PCSK5: variants seen among roughly 807,000 people sequenced by gnomAD.
PCSK5 encodes the protein proprotein convertase subtilisin/kexin type 5, also known as prohormone convertase 5.
A neutral mutation model predicts 233.2 loss-of-function variants in PCSK5; 129 were observed. The observed-to-expected ratio is 0.55, with a 90% CI of 0.48 to 0.64. The LOEUF is 0.64. Among genes scored for constraint, PCSK5 ranks in the 30% least tolerant of loss-of-function variants. PCSK5 has a pLI of 0.00. For missense variants in PCSK5, 2,076 were observed against 2,430.1 expected (o/e 0.85, Z 3.06); for synonymous variants, 825 against 879.2 (o/e 0.94, Z 1.09).
At chr9:76,221,843 G>C (rs917280105) in intron 20 of PCSK5, among the ~76,000 whole-genome samples, 1 of 152,146 alleles carries the variant, frequency 6.6e-6, no homozygotes, top group African/African-American at 2.4e-5. Context: ...TAGCATTTCA[G>C]AGCATCTGCA....
chr9:75,953,257 A>G (rs1053086726), intron 2 of PCSK5, among the ~76,000 whole-genome samples: 2 of 152,146 alleles, frequency 1.3e-5, no homozygotes, highest in Non-Finnish European at 2.9e-5. Flanking sequence ...TTGTACTCCA[A>G]GCACCAAGAG....
chr9:76,295,461 CCA>C, intron 26 of PCSK5, 50 bp downstream of exon 26: 1 of 1,582,130 alleles, frequency 6.3e-7, no homozygotes, highest in Non-Finnish European at 8.7e-7. Flanking sequence ...CACTGGAGCT[CCA>C]CACAGTCGGG....
Position 76,043,152 on chromosome 9 carries a change from C to A in PCSK5, c.632+16115C>A, listed in dbSNP as rs544663680. Among the ~76,000 whole-genome samples, 104 of 147,258 alleles carry A rather than the reference C, an allele frequency of 7.1e-4. 1 individual carries two copies. In the Middle Eastern group the frequency reaches 0.011, roughly 15 times the overall value. Reference sequence around the variant, plus strand: ...ACAGGGTCAGGAGATTGAGACCATCCTGGCTAACACGGTGAAACCCCGTCT... The same window carrying A: ...ACAGGGTCAGGAGATTGAGACCATCATGGCTAACACGGTGAAACCCCGTCT... On this transcript the variant is annotated intron_variant, in intron 5 of 37. Coordinates refer to ENST00000674117, the MANE Select transcript of PCSK5 (RefSeq NM_001372043.1).
At chr9:75,996,815 G>GTTTT (rs35830280) in intron 3 of PCSK5, among the ~76,000 whole-genome samples, 9 of 141,402 alleles carry the variant, frequency 6.4e-5, no homozygotes, top group Non-Finnish European at 7.6e-5. Flanking sequence ...TGTTAACAAA[G>GTTTT]TTTTTTTTTT....
chr9:75,971,666 G>C (rs1202533805), intron 2 of PCSK5, among the ~76,000 whole-genome samples: 2 of 152,050 alleles, frequency 1.3e-5, no homozygotes, highest in African/African-American at 2.4e-5. Flanking sequence ...GTTATAATTT[G>C]CATTTCTATA....
chr9:75,949,416 T>C (rs1011651537), intron 2 of PCSK5, among the ~76,000 whole-genome samples: 1 of 152,174 alleles, frequency 6.6e-6, no homozygotes, highest in African/African-American at 2.4e-5. Context: ...TATTTTTCCA[T>C]GTCATGAAGT....
At chr9:76,150,543 G>A (rs1823629737) in intron 10 of PCSK5, among the ~76,000 whole-genome samples, 1 of 152,148 alleles carries the variant, frequency 6.6e-6, no homozygotes, top group Non-Finnish European at 1.5e-5. Flanking sequence ...TGAGGCAAGA[G>A]AATTGCTTGA....
At chr9:75,957,422 A>G (rs1587418118) in intron 2 of PCSK5, among the ~76,000 whole-genome samples, 1 of 152,298 alleles carries the variant, frequency 6.6e-6, no homozygotes, top group East Asian at 1.9e-4. Context: ...TGTTACAATA[A>G]ATAGCAAATT....
At chr9:75,947,156 A>G (rs1824614327) in intron 2 of PCSK5, among the ~76,000 whole-genome samples, 1 of 152,220 alleles carries the variant, frequency 6.6e-6, no homozygotes, top group Non-Finnish European at 1.5e-5. Flanking sequence ...GTTCCAGGAG[A>G]AGGTAGTTCC....
chr9:76,028,785 G>C (rs759028321), intron 5 of PCSK5, among the ~76,000 whole-genome samples: 1 of 152,142 alleles, frequency 6.6e-6, no homozygotes, highest in Non-Finnish European at 1.5e-5. Context: ...GTCTTTTCAG[G>C]AGAGGGCTAT....
intron 2 of PCSK5, among the ~76,000 whole-genome samples, chr9:75,951,797 T>C (rs1824870966): frequency 6.6e-6 from 1 of 152,138 alleles, no homozygotes; most frequent in South Asian, 2.1e-4. Flanking sequence ...TAACAACTAT[T>C]TACAGGGCAT....
At position 76,053,079 on chromosome 9, in the gene PCSK5, T is replaced by A. The variant is rs182803073; in HGVS notation, c.633-14876T>A. Among the ~76,000 whole-genome samples the A allele has an allele frequency of 7.8e-3, 1,192 of 152,336 alleles. 16 individuals are homozygous for A. Among genetic ancestry groups the A allele is most frequent in the African/African-American group, 0.025 (1,049 of 41,586 alleles). On this transcript the variant is annotated intron_variant, in intron 5 of 37. Transcript: ENST00000674117. ...GTGGCTTTGCAGGGTACAGCGCCCC[T>A]CCTGGAGGCTTTCACAGGCTGGCAT... is the stretch of plus-strand genomic sequence containing the variant.
In PCSK5 at chr9:76,071,916, G is replaced by C. The variant is rs369671835; in HGVS notation, c.894+18G>C. 11 of 1,611,150 alleles carry C rather than the reference G, an allele frequency of 6.8e-6. No individual in the cohort carries two copies. The highest frequency in any genetic ancestry group is 9.3e-6 in the Non-Finnish European group (11 of 1,178,038). ...TTAGAATGGTAGGTTTTAAAAGCAT[G>C]GAGGCTTATACTGTGTGGATGGGTG... is the stretch of plus-strand genomic sequence containing the variant. On this transcript the variant is annotated intron_variant, in intron 7 of 37. Coordinates refer to ENST00000674117, the MANE Select transcript of PCSK5 (RefSeq NM_001372043.1).
intron 24 of PCSK5, among the ~76,000 whole-genome samples, chr9:76,285,912 G>A (rs1359021094): frequency 1.3e-5 from 2 of 151,930 alleles, no homozygotes; most frequent in Non-Finnish European, 2.9e-5. Flanking sequence ...TTTTTAGATA[G>A]TGAACTATTA....
At chr9:76,148,814 T>C (rs1433920538) in intron 10 of PCSK5, among the ~76,000 whole-genome samples, 3 of 152,234 alleles carry the variant, frequency 2.0e-5, no homozygotes, top group African/African-American at 7.2e-5. Context: ...CTGCCTCTGA[T>C]ATCCCGTATA....
At chr9:76,295,129 G>A (rs1828396450) in intron 25 of PCSK5, 146 bp from the exon 26 acceptor site, 4 of 661,912 alleles carry the variant, frequency 6.0e-6, no homozygotes, top group East Asian at 2.9e-5. Flanking sequence ...CTCCAGCCTG[G>A]GCGACAAGAG....
At chr9:75,923,293 C>T (rs534518912) in intron 1 of PCSK5, among the ~76,000 whole-genome samples, 3 of 152,186 alleles carry the variant, frequency 2.0e-5, no homozygotes, top group South Asian at 2.1e-4. Context: ...GAAGATTAGA[C>T]GTAACGTAGG....
At chr9:76,357,412 G>A (rs1830328880) in intron 37 of PCSK5, among the ~76,000 whole-genome samples, 1 of 152,098 alleles carries the variant, frequency 6.6e-6, no homozygotes, top group African/African-American at 2.4e-5. Flanking sequence ...AGCTACACAG[G>A]AGGCTAAGGC....
chr9:76,142,569 A>G (rs910680737), intron 10 of PCSK5, among the ~76,000 whole-genome samples: 1 of 152,168 alleles, frequency 6.6e-6, no homozygotes, highest in African/African-American at 2.4e-5. Context: ...GCCCCTCTTC[A>G]TTCATAGTAT....
Sources: allele counts gnomAD v4.1 joint callset (sites outside exome capture counted in the v4.1 genomes callset), GRCh38; gene constraint gnomAD v4.1.1; transcripts MANE v1.5; gene names NCBI Gene and HGNC (gene_info 2026-07-23, HGNC 2026-07-21).